Variants in MAF observed in about 807,000 individuals in gnomAD.
MAF encodes MAF bZIP transcription factor.
Under a neutral mutation model 22.0 loss-of-function variants are expected in MAF, and 10 were observed. That is an observed-to-expected ratio of 0.45 (90% CI 0.28 to 0.77). MAF has a LOEUF of 0.77. MAF is among the 30% of genes least tolerant of loss of function. MAF has a pLI of 0.12. For synonymous variants in MAF, 337 were observed against 255.8 expected (o/e 1.32, Z -3.03); for missense variants, 544 against 548.4 (o/e 0.99, Z 0.08).
At chr16:79,576,452 G>C in the MAF span, among the ~76,000 whole-genome samples, 2 of 152,042 alleles carry the variant, frequency 1.3e-5, no homozygotes, top group Non-Finnish European at 2.9e-5. Context: ...ATGATAGCAA[G>C]ATTAAATGTT....
the MAF span, among the ~76,000 whole-genome samples, chr16:79,404,256 C>G: frequency 2.0e-5 from 3 of 151,424 alleles, no homozygotes; most frequent in African/African-American, 7.3e-5. Flanking sequence ...CTCCGCCTCC[C>G]GGGTTCAAGC....
the MAF span, among the ~76,000 whole-genome samples, chr16:79,323,738 G>A: frequency 6.6e-6 from 1 of 152,180 alleles, no homozygotes; most frequent in Admixed American, 6.5e-5. Flanking sequence ...GGGCATCTGA[G>A]AGCAACATCT....
chr16:79,288,251 T>G, the MAF span, among the ~76,000 whole-genome samples: 1 of 152,242 alleles, frequency 6.6e-6, no homozygotes, highest in Non-Finnish European at 1.5e-5. Flanking sequence ...GAGCCTGGGC[T>G]GACCTGCTTT....
chr16:79,451,163 G>A, the MAF span, among the ~76,000 whole-genome samples: 2 of 152,216 alleles, frequency 1.3e-5, no homozygotes, highest in Non-Finnish European at 2.9e-5. Context: ...ACCACCTTCA[G>A]TTTGCAGGGC....
the MAF span, among the ~76,000 whole-genome samples, chr16:79,445,379 A>C: frequency 6.6e-6 from 1 of 152,068 alleles, no homozygotes; most frequent in East Asian, 1.9e-4. Context: ...TTCCCGGGAG[A>C]AGCACAGGTT....
chr16:79,336,929 G>A, the MAF span, among the ~76,000 whole-genome samples: 1 of 152,196 alleles, frequency 6.6e-6, no homozygotes, highest in East Asian at 1.9e-4. Context: ...AAGACGTTGT[G>A]AGAGGTTCCA....
At chr16:79,208,501 G>T in the MAF span, among the ~76,000 whole-genome samples, 3 of 152,190 alleles carry the variant, frequency 2.0e-5, no homozygotes, top group Non-Finnish European at 4.4e-5. Flanking sequence ...TATTGCTTCA[G>T]ATATTTTATA....
chr16:79,313,977 A>G, the MAF span, among the ~76,000 whole-genome samples: 4 of 152,228 alleles, frequency 2.6e-5, no homozygotes, highest in Non-Finnish European at 4.4e-5. Flanking sequence ...AATAAAGGCC[A>G]GGGAAAACTA....
the MAF span, among the ~76,000 whole-genome samples, chr16:79,265,782 C>T: frequency 6.6e-6 from 1 of 152,198 alleles, no homozygotes. Flanking sequence ...TTTACAGCTT[C>T]TCTTTGGCAT....
At chr16:79,345,176 T>A in the MAF span, among the ~76,000 whole-genome samples, 1 of 146,956 alleles carries the variant, frequency 6.8e-6, no homozygotes, top group African/African-American at 2.6e-5. Flanking sequence ...GAATGATTTG[T>A]ATAGTCTTCT....
the MAF span, among the ~76,000 whole-genome samples, chr16:79,397,627 C>G: frequency 6.6e-6 from 1 of 152,216 alleles, no homozygotes; most frequent in Admixed American, 6.5e-5. Flanking sequence ...GATGGACCAT[C>G]TCCTGGAATT....
At chr16:79,548,870 C>G in the MAF span, among the ~76,000 whole-genome samples, 1 of 152,126 alleles carries the variant, frequency 6.6e-6, no homozygotes, top group African/African-American at 2.4e-5. Context: ...CTCTTCTTGC[C>G]TCTGCTCCTT....
At chr16:79,367,019 A>C in the MAF span, among the ~76,000 whole-genome samples, 2 of 152,184 alleles carry the variant, frequency 1.3e-5, no homozygotes, top group Admixed American at 1.3e-4. Flanking sequence ...ATGCTTTGAA[A>C]AACTCAAGGT....
At chr16:79,344,202 C>T in the MAF span, among the ~76,000 whole-genome samples, 1 of 152,128 alleles carries the variant, frequency 6.6e-6, no homozygotes, top group Non-Finnish European at 1.5e-5. Context: ...CTCAACAGCC[C>T]AGGAGTTAGG....
At chr16:79,463,971 C>CAA in the MAF span, among the ~76,000 whole-genome samples, 701 of 145,674 alleles carry the variant, frequency 4.8e-3, 1 homozygote, top group African/African-American at 0.012. Flanking sequence ...CTGAGGCTTG[C>CAA]AAAAAAAAAA....
chr16:79,315,800 C>T, the MAF span, among the ~76,000 whole-genome samples: 9 of 152,316 alleles, frequency 5.9e-5, no homozygotes, highest in Middle Eastern at 3.4e-3. Flanking sequence ...GCCCAAGTCC[C>T]GTCCTCTCCA....
At chr16:79,475,850 G>A in the MAF span, among the ~76,000 whole-genome samples, 1 of 152,162 alleles carries the variant, frequency 6.6e-6, no homozygotes, top group Admixed American at 6.5e-5. Flanking sequence ...ATCCTAAGAC[G>A]ACCCCTGTGT....
chr16:79,233,405 T>C, the MAF span, among the ~76,000 whole-genome samples: 2 of 152,004 alleles, frequency 1.3e-5, no homozygotes, highest in African/African-American at 4.8e-5. Context: ...AACATTACAC[T>C]GGACGCTAAG....
At chr16:79,257,085 G>A in the MAF span, among the ~76,000 whole-genome samples, 5 of 152,154 alleles carry the variant, frequency 3.3e-5, no homozygotes, top group Non-Finnish European at 5.9e-5. Context: ...GCTGAGGCAA[G>A]AGAATTGCTT....
Sources: allele counts gnomAD v4.1 joint callset (sites outside exome capture counted in the v4.1 genomes callset), GRCh38; gene constraint gnomAD v4.1.1; transcripts MANE v1.5; gene names NCBI Gene and HGNC (gene_info 2026-07-23, HGNC 2026-07-21).